Variants in KRT25 observed in about 807,000 individuals in gnomAD.
The protein encoded by KRT25 is keratin, type I cytoskeletal 25.
KRT25 carries 37 observed loss-of-function variants against 47.6 expected under a neutral mutation model. The ratio of observed to expected loss-of-function variants is 0.78; its 90% CI spans 0.60 to 1.02. KRT25 has a LOEUF of 1.02. Among genes scored for constraint, KRT25 ranks in the 50% least tolerant of loss-of-function variants. The probability of loss-of-function intolerance (pLI) is 0.00; values close to 1 mark genes in which losing one functional copy is unlikely to be tolerated. For missense variants in KRT25, 542 were observed against 550.3 expected (o/e 0.98, Z 0.15); for synonymous variants, 203 against 210.2 (o/e 0.97, Z 0.30).
chr17:40,754,327 T>C, intron 2 of KRT25, 59 bp downstream of exon 2: 1 of 1,365,102 alleles, frequency 7.3e-7, no homozygotes, highest in South Asian at 1.2e-5. Flanking sequence ...GTTGCTAAAT[T>C]TGATGTAATG....
At chr17:40,748,537 T>C (rs2038017284) in intron 7 of KRT25, 151 bp from the exon 8 acceptor site, 1 of 560,154 alleles carries the variant, frequency 1.8e-6, no homozygotes, top group Non-Finnish European at 3.0e-6. Flanking sequence ...TTTTGATTAT[T>C]TGGTTAGAAA....
chr17:40,752,034 G>A (rs935714675), intron 3 of KRT25, among the ~76,000 whole-genome samples: 1 of 151,972 alleles, frequency 6.6e-6, no homozygotes, highest in Non-Finnish European at 1.5e-5. Context: ...TTTTGGTTCT[G>A]CCCTATAGTG....
chr17:40,748,289 AGATTTCTCTTCCAGG>A lies in KRT25; in HGVS notation c.1326_1340del (p.Leu443_Ser447del). On this transcript the variant is annotated inframe_deletion, in exon 8 of 8. Transcript: ENST00000312150. The stretch of plus-strand genomic sequence containing the variant: ...GTTGCATCTCAAATTAATTGCTTTG[AGATTTCTCTTCCAGG>A]GAGTGGAGCCTGGTGGTAAGTATTT... The A allele has an allele frequency of 6.2e-7, 1 of 1,609,042 alleles. No homozygotes were observed. The highest frequency in any genetic ancestry group is 8.5e-7 in the Non-Finnish European group (1 of 1,177,308).
In KRT25 at chr17:40,754,447, T is replaced by C; in HGVS notation, c.451A>G (p.Asn151Asp). The C allele has an allele frequency of 1.2e-6, 2 of 1,614,032 alleles. No homozygotes were observed. The highest frequency in any genetic ancestry group is 1.3e-5 in the African/African-American group (1 of 75,044). Reference protein sequence around the residue: ...KNQIIASTTSNANAVLQIDNA... With the variant: ...KNQIIASTTSDANAVLQIDNA... ...TCGATCTGCAGAACAGCATTAGCAT[T>C]GCTGGTGGTGGATGCGATGATCTAG... Residue 151 changes from asparagine to aspartate, a missense_variant, in exon 2 of 8, where the codon AAT becomes GAT. Coordinates refer to ENST00000312150, the MANE Select transcript of KRT25 (RefSeq NM_181534.4).
rs1172395330 is a variant in KRT25, at chr17:40,751,077, G to T, written c.834C>A (p.Ser278Arg). ...RDAEAWFNEK[S>R]ASLQQQISED... ...CAGAGATCTGCTGCTGCAGGGAGGC[G>T]CTCTGAAATGACATAAGTGAAGGAG... The change falls in exon 5 of 8, where the codon AGC becomes AGA. Residue 278 changes from serine (S) to arginine (R), a missense_variant and splice_region_variant. Physicochemically the swap from Ser to Arg is moderately radical, Grantham distance 110. Coordinates refer to ENST00000312150, the MANE Select transcript of KRT25 (RefSeq NM_181534.4). 1.9e-6 allele frequency: 3 copies of T among 1,614,036 alleles called. No individual in the cohort carries two copies. The highest frequency in any genetic ancestry group is 2.7e-5 in the African/African-American group (2 of 74,902).
chr17:40,753,173 T>C (rs62065884), intron 3 of KRT25, among the ~76,000 whole-genome samples: 1,904 of 152,324 alleles, frequency 0.012, 11 homozygotes, highest in Middle Eastern at 0.058. Flanking sequence ...GAAATTGAGA[T>C]CTAGTTTTCT....
In KRT25 at chr17:40,751,271, G is replaced by A; in HGVS notation, c.725C>T (p.Ala242Val). 1.2e-6 allele frequency: 2 copies of A among 1,614,158 alleles called. No individual in the cohort carries two copies. The highest frequency in any genetic ancestry group is 1.7e-6 in the Non-Finnish European group (2 of 1,180,020). Residue 242 changes from alanine to valine, a missense_variant, in exon 4 of 8, where the codon GCA (alanine) becomes GTA (valine). Transcript: ENST00000312150. ...AACTGTGAGGTCCACCCCGGGGGCT[G>A]CGTTCATCTCCACGTTCACGTTGCC... ...AGGNVNVEMNAAPGVDLTVLL... is the reference protein window; with the variant it reads ...AGGNVNVEMNVAPGVDLTVLL...
At chr17:40,753,549 A>G (rs1357460558) in intron 3 of KRT25, among the ~76,000 whole-genome samples, 1 of 151,566 alleles carries the variant, frequency 6.6e-6, no homozygotes, top group African/African-American at 2.4e-5. Context: ...ACATAAAATT[A>G]GCCGGGCGCC....
chr17:40,751,887 T>C lies in KRT25; in HGVS notation c.670-561A>G, dbSNP rs12949211. On this transcript the variant is annotated intron_variant, in intron 3 of 7. Coordinates refer to ENST00000312150, the MANE Select transcript of KRT25 (RefSeq NM_181534.4). ...GTGTGTGTGTGTGTGTGCGTGCGTG[T>C]GTGTGTGTGTGTGTGTGTGTGTGTG... is the stretch of plus-strand genomic sequence containing the variant. 9.0e-3 allele frequency among the ~76,000 whole-genome samples: 569 copies of C among 63,326 alleles called. 1 individual carries two copies. The highest frequency in any genetic ancestry group is 0.014 in the African/African-American group (344 of 25,384). 41.5% of individuals were successfully genotyped at this position (63,326 alleles called of 152,430 possible). A position where few individuals can be genotyped will look rare whatever the true frequency, so the allele number is the denominator to read the frequency against.
chr17:40,749,442 A>C (rs2038026499), intron 6 of KRT25, 117 bp from the exon 7 acceptor site: 1 of 785,536 alleles, frequency 1.3e-6, no homozygotes, highest in Non-Finnish European at 2.2e-6. Context: ...TATTTGATTT[A>C]TAGTGTTTGC....
chr17:40,751,877 T>C (rs1013780526), intron 3 of KRT25, among the ~76,000 whole-genome samples: 19 of 87,194 alleles, frequency 2.2e-4, no homozygotes, highest in Non-Finnish European at 2.5e-4. Context: ...TGTGTGTGTG[T>C]GCGTGCGTGT....
intron 6 of KRT25, 74 bp from the exon 7 acceptor site, chr17:40,749,399 T>C (rs2038026199): frequency 8.9e-7 from 1 of 1,121,214 alleles, no homozygotes; most frequent in Non-Finnish European, 1.4e-6. Context: ...TGGTTTTCTT[T>C]AGCTCTTTGG....
At chr17:40,754,677 G>T (rs9900557) in intron 1 of KRT25, among the ~76,000 whole-genome samples, 166 bp downstream of exon 1, 1 of 142,032 alleles carries the variant, frequency 7.0e-6, no homozygotes, top group African/African-American at 2.7e-5. Context: ...AAGATCCCAC[G>T]GTTGCACTCC....
chr17:40,754,459 A>T lies in KRT25; in HGVS notation c.439T>A (p.Ser147Thr). 6.2e-7 allele frequency: 1 copy of T among 1,613,712 alleles called. No individual in the cohort carries two copies. The highest frequency in any genetic ancestry group is 8.5e-7 in the Non-Finnish European group (1 of 1,179,658). ...ACAGCATTAGCATTGCTGGTGGTGG[A>T]TGCGATGATCTAGAAATGGGAATTT... Reference protein sequence around the residue: ...IDDLKNQIIASTTSNANAVLQ... With the variant: ...IDDLKNQIIATTTSNANAVLQ... The change falls in exon 2 of 8, where the codon TCC becomes ACC. Residue 147 changes from serine (S) to threonine (T), a missense_variant. Physicochemically the swap from Ser to Thr is moderately conservative, Grantham distance 58. Transcript: ENST00000312150.
intron 3 of KRT25, among the ~76,000 whole-genome samples, chr17:40,753,115 G>T (rs569997550): frequency 3.3e-5 from 5 of 152,264 alleles, no homozygotes; most frequent in South Asian, 4.2e-4. Flanking sequence ...TACTTAATGT[G>T]TGTATGAAGT....
Position 40,753,977 on chromosome 17 carries a change from A to G in KRT25, c.552T>C (p.Ala184=), listed in dbSNP as rs1381409917. The G allele has an allele frequency of 6.2e-7, 1 of 1,614,074 alleles. No homozygotes were observed. Among genetic ancestry groups the G allele is most frequent in the Admixed American group, 1.7e-5 (1 of 60,018 alleles). The part of the protein sequence containing the change: ...NELALHQSVE[A]DVNGLRRVLD... ...AAACTCTTCGTAACCCATTGACATC[A>G]GCCTCTACACTCTGGTGAAGAGCCA... Residue 184 remains alanine (A), a synonymous_variant, in exon 3 of 8, where the codon GCT becomes GCC. Transcript: ENST00000312150.
At chr17:40,755,369 C>T (rs2038098040), upstream of KRT25, 7 of 1,110,018 alleles carry the variant, frequency 6.3e-6, no homozygotes, top group Admixed American at 1.8e-4. Context: ...ATAGGCAAGT[C>T]CCAAGTGTGT....
At chr17:40,753,811 T>A in intron 3 of KRT25, 49 bp downstream of exon 3, 1 of 1,494,616 alleles carries the variant, frequency 6.7e-7, no homozygotes, top group Non-Finnish European at 9.1e-7. Context: ...TCCTGTCAGG[T>A]GCACAGTGTC....
intron 5 of KRT25, 25 bp downstream of exon 5, chr17:40,750,929 T>C (rs774636762): frequency 1.2e-6 from 2 of 1,611,838 alleles, no homozygotes; most frequent in Admixed American, 3.3e-5. Flanking sequence ...TGGGAGATGG[T>C]GAAAAAAAAT....
Sources: allele counts gnomAD v4.1 joint callset (sites outside exome capture counted in the v4.1 genomes callset), GRCh38; gene constraint gnomAD v4.1.1; transcripts MANE v1.5; gene names NCBI Gene and HGNC (gene_info 2026-07-23, HGNC 2026-07-21).